The following MTFR1 variants were observed in gnomAD, a reference collection of about 807,000 sequenced individuals.
The protein encoded by MTFR1 is mitochondrial fission regulator 1, also known as chondrocyte protein with a poly-proline region.
In MTFR1, 28 loss-of-function variants were observed where a neutral mutation model predicts 38.8. The observed-to-expected ratio is 0.72, with a 90% confidence interval of 0.53 to 0.99. The LOEUF is 0.99. MTFR1 is among the 50% of genes least tolerant of loss of function. The pLI is 0.00. For synonymous variants in MTFR1, 145 were observed against 137.0 expected, an observed-to-expected ratio of 1.06 and a Z score of -0.41; for missense variants, 358 against 395.5, an observed-to-expected ratio of 0.91 and a Z score of 0.81.
intron 3 of MTFR1, among the ~76,000 whole-genome samples, chr8:65,733,488 G>A (rs937954267): frequency 1.3e-5 from 2 of 152,128 alleles, no homozygotes; most frequent in African/African-American, 2.4e-5. Flanking sequence ...GGGCAATAGA[G>A]TGAGACCCTG....
chr8:65,736,560 C>A (rs1337851987), intron 3 of MTFR1, among the ~76,000 whole-genome samples: 2 of 151,956 alleles, frequency 1.3e-5, no homozygotes, highest in African/African-American at 4.8e-5. Flanking sequence ...TGAGACCAGC[C>A]TAGGCCATTA....
At chr8:65,661,809 T>C (rs1264879616) in intron 1 of MTFR1, among the ~76,000 whole-genome samples, 6 of 151,570 alleles carry the variant, frequency 4.0e-5, no homozygotes, top group Admixed American at 3.3e-4. Flanking sequence ...ACTAAAAATA[T>C]CAAAATTAGC....
downstream of MTFR1, among the ~76,000 whole-genome samples, chr8:65,776,031 C>T (rs1025631614): frequency 1.3e-5 from 2 of 152,152 alleles, no homozygotes; most frequent in African/African-American, 4.8e-5. Flanking sequence ...TAATTTCAGG[C>T]TTCCCCTACA....
At chr8:65,657,967 T>G (rs1053292740) in intron 1 of MTFR1, among the ~76,000 whole-genome samples, 1 of 152,208 alleles carries the variant, frequency 6.6e-6, no homozygotes, top group Non-Finnish European at 1.5e-5. Flanking sequence ...TCATTTGGCC[T>G]TAAAATGTGG....
chr8:65,768,880 G>A (rs1318295118), intron 3 of MTFR1, among the ~76,000 whole-genome samples: 1 of 152,138 alleles, frequency 6.6e-6, no homozygotes, highest in East Asian at 1.9e-4. Context: ...GGTCAAGAAT[G>A]CATCAGAAAA....
chr8:65,690,934 A>G (rs1346885030), intron 3 of MTFR1, among the ~76,000 whole-genome samples: 1 of 152,172 alleles, frequency 6.6e-6, no homozygotes, highest in Non-Finnish European at 1.5e-5. Flanking sequence ...TCTCCTTATT[A>G]CAGTGTTATG....
At chr8:65,771,105 A>C (rs1284557711) in exon 4 of MTFR1, 2 of 316,666 alleles carry the variant, frequency 6.3e-6, no homozygotes, top group Non-Finnish European at 6.2e-6. Flanking sequence ...ACATAATAAA[A>C]TGGTTGAGGT....
chr8:65,696,383 C>A (rs995536969), intron 4 of MTFR1, among the ~76,000 whole-genome samples: 25 of 152,234 alleles, frequency 1.6e-4, no homozygotes, highest in Admixed American at 1.6e-3. Context: ...AGAAACAATA[C>A]AGAGAAATTC....
chr8:65,747,833 A>G, intron 3 of MTFR1: 1 of 1,523,932 alleles, frequency 6.6e-7, no homozygotes, highest in Non-Finnish European at 9.0e-7. Context: ...AGGTAAGTAT[A>G]GCAAGTTAAA....
At chr8:65,682,815 C>A (rs1804943125) in intron 3 of MTFR1, 1 of 984,976 alleles carries the variant, frequency 1.0e-6, no homozygotes, top group Non-Finnish European at 1.2e-6. Flanking sequence ...CTTTGGATAG[C>A]CACTCTGTTC....
At chr8:65,668,019 AT>A (rs1381072039) in intron 1 of MTFR1, among the ~76,000 whole-genome samples, 1 of 151,642 alleles carries the variant, frequency 6.6e-6, no homozygotes, top group Non-Finnish European at 1.5e-5. Flanking sequence ...TTTTCTTCCT[AT>A]TCTCTGTTGT....
chr8:65,752,871 A>G (rs1292951688), intron 3 of MTFR1, among the ~76,000 whole-genome samples: 2 of 152,038 alleles, frequency 1.3e-5, no homozygotes, highest in Non-Finnish European at 2.9e-5. Flanking sequence ...TCTATCCACT[A>G]TAACCATTAC....
At chr8:65,734,760 T>G (rs1448534176) in intron 3 of MTFR1, 7 of 1,206,296 alleles carry the variant, frequency 5.8e-6, no homozygotes, top group Non-Finnish European at 8.6e-6. Context: ...AATTTTCTTA[T>G]GATTTTCACC....
intron 3 of MTFR1, among the ~76,000 whole-genome samples, chr8:65,732,449 G>A (rs1806936407): frequency 6.6e-6 from 1 of 152,212 alleles, no homozygotes. Context: ...GCATGTGGCA[G>A]ATGCTCAAAG....
At chr8:65,666,433 A>G (rs1804384865) in intron 1 of MTFR1, among the ~76,000 whole-genome samples, 1 of 152,180 alleles carries the variant, frequency 6.6e-6, no homozygotes, top group Admixed American at 6.6e-5. Context: ...AAAACGCTCA[A>G]AATTTCGAAT....
chr8:65,712,038 C>T (rs1306378971), downstream of MTFR1, among the ~76,000 whole-genome samples: 1 of 152,192 alleles, frequency 6.6e-6, no homozygotes, highest in Non-Finnish European at 1.5e-5. Flanking sequence ...AAAGGCCAGA[C>T]TCTTCATAAC....
chr8:65,661,558 G>A (rs572335279), intron 1 of MTFR1, among the ~76,000 whole-genome samples: 65 of 152,260 alleles, frequency 4.3e-4, no homozygotes, highest in Non-Finnish European at 7.9e-4. Context: ...TTGAACCTGG[G>A]ACGGGGGTTG....
chr8:65,681,978 C>G (rs1162641459), intron 2 of MTFR1: 1 of 154,426 alleles, frequency 6.5e-6, no homozygotes, highest in Non-Finnish European at 1.5e-5. Flanking sequence ...TTAATAAAAA[C>G]TATGTATATC....
At chr8:65,713,485 A>ACACACACACACACACAC (rs1169373621), downstream of MTFR1, among the ~76,000 whole-genome samples, 5 of 119,470 alleles carry the variant, frequency 4.2e-5, no homozygotes, top group African/African-American at 1.3e-4. Flanking sequence ...CACACACACA[A>ACACACACACACACACAC]ACAAAACAAA....
Sources: gnomAD v4.1 joint callset for allele counts (sites outside exome capture counted in the v4.1 genomes callset) on GRCh38, gnomAD v4.1.1 for gene constraint, MANE v1.5 for transcripts, NCBI Gene and HGNC (gene_info 2026-07-23, HGNC 2026-07-21) for gene names.